CLEC10A: variants seen among roughly 807,000 people sequenced by gnomAD.
CLEC10A encodes the protein C-type lectin domain containing 10A.
A neutral mutation model predicts 42.0 loss-of-function variants in CLEC10A; 38 were observed. The ratio of observed to expected loss-of-function variants is 0.90; its 90% confidence interval spans 0.70 to 1.18. The LOEUF is 1.18. Among genes scored for constraint, CLEC10A ranks in the 50% most tolerant of loss-of-function variants. CLEC10A has a pLI of 0.00. For synonymous variants in CLEC10A, 126 were observed against 139.9 expected, an observed-to-expected ratio of 0.90 and a Z score of 0.70; for missense variants, 298 against 345.9, an observed-to-expected ratio of 0.86 and a Z score of 1.10.
At position 7,074,983 on chromosome 17, in the gene CLEC10A, G is replaced by A. The variant is rs1171787807; in HGVS notation, c.*71C>T. The A allele has an allele frequency of 7.5e-7, 1 of 1,325,820 alleles. No individual in the cohort carries two copies. The highest frequency in any genetic ancestry group is 2.8e-5 in the Admixed American group (1 of 35,870). The allele number at this position is 1,325,820 out of a possible 1,614,324, so 82.1% of individuals were successfully genotyped here. ...CTTATTTCTCTCCCAGAGCGGTCTTGCGAGGAGGTCGTGAGAAGAGTCCTC... is the reference window on the plus strand; with the variant it reads ...CTTATTTCTCTCCCAGAGCGGTCTTACGAGGAGGTCGTGAGAAGAGTCCTC... On this transcript the variant is annotated 3_prime_UTR_variant, in exon 9 of 9. Coordinates refer to ENST00000416562, the MANE Select transcript of CLEC10A (RefSeq NM_001330070.2).
chr17:7,079,471 T>G (rs1912053036), intron 1 of CLEC10A, among the ~76,000 whole-genome samples: 1 of 151,942 alleles, frequency 6.6e-6, no homozygotes, highest in Non-Finnish European at 1.5e-5. Context: ...TAATCCCAGC[T>G]ACTTGGGAGG....
Position 7,075,405 on chromosome 17 carries a change from C to T in CLEC10A, c.656G>A (p.Gly219Glu), listed in dbSNP as rs1034493844. 1 of 1,522,488 alleles carries T rather than the reference C, an allele frequency of 6.6e-7. No individual in the cohort carries two copies. The highest frequency in any genetic ancestry group is 8.8e-7 in the Non-Finnish European group (1 of 1,138,474). 94.3% of individuals were successfully genotyped at this position (1,522,488 alleles called of 1,614,324 possible). Residue 219 changes from glycine (G) to glutamate (E), a missense_variant, in exon 8 of 9, where the codon GGA becomes GAA. Gly to Glu is a moderately conservative substitution (Grantham distance 98, BLOSUM62 -2). Around this residue, in one of 3 missense-constraint regions of CLEC10A, gnomAD observed 267 missense variants for 289.5 expected, o/e 0.92. Transcript: ENST00000416562. ...TGTTCCATCCACCCACTTCCAGGCT[C>T]CTTCAGGGTCACTGAGGCCCATCCA... The part of the protein sequence containing the change: ...YTWMGLSDPE[G>E]AWKWVDGTDY...
intron 5 of CLEC10A, among the ~76,000 whole-genome samples, chr17:7,076,386 C>T (rs549198796): frequency 6.7e-6 from 1 of 149,634 alleles, no homozygotes; most frequent in Non-Finnish European, 1.5e-5. Flanking sequence ...TCTCGGCTCA[C>T]GGCTACCTCC....
Position 7,078,889 on chromosome 17 carries a change from G to C in CLEC10A, c.-73-4C>G. On this transcript the variant is annotated splice_polypyrimidine_tract_variant and splice_region_variant and intron_variant, in intron 1 of 8. Transcript: ENST00000416562. Reference sequence around the variant, plus strand: ...CGGCGCCCAGTCTGGGGTGGAGCTGGGGAATAGGAGGTTGGGACTAAGTTG... The same window carrying C: ...CGGCGCCCAGTCTGGGGTGGAGCTGCGGAATAGGAGGTTGGGACTAAGTTG... 7.3e-7 allele frequency: 1 copy of C among 1,378,740 alleles called. No homozygotes were observed. Among genetic ancestry groups the C allele is most frequent in the South Asian group, 1.2e-5 (1 of 86,320 alleles). The allele number at this position is 1,378,740 out of a possible 1,614,324, so 85.4% of individuals were successfully genotyped here.
rs746792236 is a variant in CLEC10A, at chr17:7,075,473, T to C, written c.595-7A>G. ...GATATTTCTGGACAAAATTCTGCGG[T>C]GACAGAAGGGCAGTGGTGACTTCTT... On this transcript the variant is annotated splice_region_variant and splice_polypyrimidine_tract_variant and intron_variant, in intron 7 of 8. Transcript: ENST00000416562. 11 of 1,530,366 alleles carry C rather than the reference T, an allele frequency of 7.2e-6. No homozygotes were observed. In the East Asian group the frequency reaches 2.5e-4, roughly 35 times the overall value. 94.8% of individuals were successfully genotyped at this position (1,530,366 alleles called of 1,614,324 possible).
rs768972842 is a variant in CLEC10A at position 7,075,660 on chromosome 17, G to A, written c.594+71C>T. The stretch of plus-strand genomic sequence containing the variant: ...CTGGAAGCTCCCAGATGATTCCAAT[G>A]TGCGGCCAAGCTTAAGAACCATTTC... On this transcript the variant is annotated intron_variant, in intron 7 of 8. Transcript: ENST00000416562. 1.4e-5 allele frequency: 22 copies of A among 1,607,478 alleles called. No homozygotes were observed. The South Asian group carries it at 2.2e-4, about 16-fold the overall frequency.
chr17:7,076,666 G>T (rs947236113), intron 5 of CLEC10A, 67 bp downstream of exon 5: 3 of 1,548,424 alleles, frequency 1.9e-6, no homozygotes. Context: ...AGCACCAGGA[G>T]TCTGTTCCCA....
Position 7,075,986 on chromosome 17 carries a change from ATTG to A in CLEC10A, c.435_437del (p.Asn146del), listed in dbSNP as rs1289060075. On this transcript the variant is annotated inframe_deletion and splice_region_variant, in exon 6 of 9. Transcript: ENST00000416562. ...AGGTACTCCCCATACCTTCCTCACC[ATTG>A]TTGTTGAGAGTAGCCACCTGGCAGG... The A allele has an allele frequency of 2.5e-6, 4 of 1,613,972 alleles. No homozygotes were observed. Among genetic ancestry groups the A allele is most frequent in the Middle Eastern group, 1.6e-4 (1 of 6,082 alleles).
chr17:7,076,487 T>A (rs1052754224), intron 5 of CLEC10A, among the ~76,000 whole-genome samples: 3 of 151,182 alleles, frequency 2.0e-5, no homozygotes, highest in African/African-American at 7.3e-5. Context: ...TTTTTTGTAT[T>A]TTTTTTAGTA....
intron 2 of CLEC10A, chr17:7,078,348 A>G: frequency 1.9e-6 from 1 of 523,322 alleles, no homozygotes. Context: ...TAGCGATATG[A>G]GGGGTCCCAT....
intron 1 of CLEC10A, among the ~76,000 whole-genome samples, chr17:7,079,153 C>A (rs146744956): frequency 2.0e-5 from 3 of 152,046 alleles, no homozygotes; most frequent in African/African-American, 7.2e-5. Context: ...GGTCAGTATG[C>A]ACGTTGGAGC....
intron 3 of CLEC10A, among the ~76,000 whole-genome samples, chr17:7,077,318 C>CTT (rs1911833404): frequency 2.3e-5 from 3 of 128,788 alleles, no homozygotes; most frequent in African/African-American, 9.4e-5. Context: ...ATCAGTGCCC[C>CTT]CATCACCATT....
chr17:7,074,875 A>C lies in CLEC10A; in HGVS notation c.*179T>G, dbSNP rs1442406179. ...ACTTTCAAAAGTTGGAAAAAAAATA[A>C]AAGCTTAAGAACACTATACCATCTT... On this transcript the variant is annotated 3_prime_UTR_variant, in exon 9 of 9. Coordinates refer to ENST00000416562, the MANE Select transcript of CLEC10A (RefSeq NM_001330070.2). 4.6e-6 allele frequency: 2 copies of C among 436,348 alleles called. No individual in the cohort carries two copies. The highest frequency in any genetic ancestry group is 7.8e-6 in the Non-Finnish European group (2 of 257,588). 27.0% of individuals were successfully genotyped at this position (436,348 alleles called of 1,614,324 possible).
At chr17:7,079,679 C>G (rs1029198071) in intron 1 of CLEC10A, among the ~76,000 whole-genome samples, 20 of 152,124 alleles carry the variant, frequency 1.3e-4, no homozygotes, top group African/African-American at 3.1e-4. Context: ...ACCAATGAGG[C>G]TGAGTCTGAG....
chr17:7,075,049 G>C lies in CLEC10A; in HGVS notation c.*5C>G. 1 of 1,551,244 alleles carries C rather than the reference G, an allele frequency of 6.4e-7. No homozygotes were observed. Among genetic ancestry groups the C allele is most frequent in the Non-Finnish European group, 8.7e-7 (1 of 1,155,590 alleles). On this transcript the variant is annotated 3_prime_UTR_variant, in exon 9 of 9. Transcript: ENST00000416562. ...CTGTGGCCGGGTGGTCCCACCAAAG[G>C]CAGCTCAGTGACTCTCCTGGCTGGT...
At position 7,078,871 on chromosome 17, in the gene CLEC10A, C is replaced by T; in HGVS notation, c.-59G>A. On this transcript the variant is annotated 5_prime_UTR_variant, in exon 2 of 9. Transcript: ENST00000416562. ...CTGAAATGGAGGCAGGGCCGGCGCC[C>T]AGTCTGGGGTGGAGCTGGGGAATAG... The T allele has an allele frequency of 6.5e-7, 1 of 1,547,136 alleles. No individual in the cohort carries two copies. Among genetic ancestry groups the T allele is most frequent in the Non-Finnish European group, 8.9e-7 (1 of 1,118,924 alleles).
At chr17:7,076,118 C>T (rs1911724978) in intron 5 of CLEC10A, 47 bp from the exon 6 acceptor site, 1 of 1,614,086 alleles carries the variant, frequency 6.2e-7, no homozygotes, top group African/African-American at 1.3e-5. Context: ...CTAGGTGTGC[C>T]TTCTGCGTAG....
Position 7,074,904 on chromosome 17 carries a change from A to T in CLEC10A, c.*150T>A. 1.9e-6 allele frequency: 1 copy of T among 533,538 alleles called. No individual in the cohort carries two copies. The highest frequency in any genetic ancestry group is 3.0e-6 in the Non-Finnish European group (1 of 331,634). The allele number at this position is 533,538 out of a possible 1,614,324, so 33.1% of individuals were successfully genotyped here. A position where few individuals can be genotyped will look rare whatever the true frequency, so the allele number is the denominator to read the frequency against. ...CTTAAGAACACTATACCATCTTTTT[A>T]AAATTAAAGAGAAAAAAATTCAAAA... On this transcript the variant is annotated 3_prime_UTR_variant, in exon 9 of 9. Coordinates refer to ENST00000416562, the MANE Select transcript of CLEC10A (RefSeq NM_001330070.2).
intron 3 of CLEC10A, among the ~76,000 whole-genome samples, chr17:7,077,396 A>ACCG (rs1911851512): frequency 1.2e-5 from 1 of 85,914 alleles, no homozygotes; most frequent in Non-Finnish European, 2.2e-5. Flanking sequence ...GCCCCCCACT[A>ACCG]TTCCCATCAG....
Sources: allele counts gnomAD v4.1 joint callset (sites outside exome capture counted in the v4.1 genomes callset), GRCh38; gene constraint gnomAD v4.1.1; regional missense constraint gnomAD v4.1.1; transcripts MANE v1.5; gene names NCBI Gene and HGNC (gene_info 2026-07-23, HGNC 2026-07-21).